RNF180: variants seen among roughly 807,000 people sequenced by gnomAD.
RNF180 encodes the protein E3 ubiquitin-protein ligase RNF180.
In RNF180, 38 loss-of-function variants were observed where a neutral mutation model predicts 59.2. The ratio of observed to expected loss-of-function variants is 0.64; its 90% CI spans 0.50 to 0.84. The LOEUF (loss-of-function observed/expected upper bound fraction) is 0.84. RNF180 is among the 40% of genes least tolerant of loss of function. The pLI is 0.00. For missense variants in RNF180, 705 were observed against 700.9 expected (o/e 1.01, Z -0.07); for synonymous variants, 262 against 240.3 (o/e 1.09, Z -0.84).
chr5:64,225,829 C>T (rs192293043), intron 5 of RNF180, among the ~76,000 whole-genome samples: 1,483 of 145,644 alleles, frequency 0.01, 12 homozygotes, highest in Non-Finnish European at 0.014. Flanking sequence ...CCGGCCGCCC[C>T]GTCTGGGATG....
chr5:64,280,055 T>G (rs1741930481), intron 5 of RNF180, among the ~76,000 whole-genome samples: 1 of 152,244 alleles, frequency 6.6e-6, no homozygotes, highest in Non-Finnish European at 1.5e-5. Context: ...GTGTGGTTTT[T>G]GATTTGTACT....
chr5:64,251,638 A>T (rs564953494), intron 5 of RNF180, among the ~76,000 whole-genome samples: 1 of 152,176 alleles, frequency 6.6e-6, no homozygotes, highest in South Asian at 2.1e-4. Context: ...GTTACCCGGG[A>T]TGGTCTGGCC....
intron 5 of RNF180, among the ~76,000 whole-genome samples, chr5:64,278,408 A>C (rs1645423819): frequency 6.6e-6 from 1 of 152,190 alleles, no homozygotes; most frequent in African/African-American, 2.4e-5. Flanking sequence ...ATTTTAAAAG[A>C]TCTGTCTTGC....
In RNF180 at chr5:64,355,345, G is replaced by C. The variant is rs113306966; in HGVS notation, c.1580-14270G>C. 2.6e-5 allele frequency among the ~76,000 whole-genome samples: 4 copies of C among 151,902 alleles called. 1 individual carries two copies. Among genetic ancestry groups the C allele is most frequent in the African/African-American group, 9.6e-5 (4 of 41,484 alleles). On this transcript the variant is annotated intron_variant, in intron 7 of 7. Coordinates refer to ENST00000389100, the MANE Select transcript of RNF180 (RefSeq NM_001113561.2). The stretch of plus-strand genomic sequence containing the variant: ...AGCATCTAAAAGAATAAAATACCTA[G>C]GAATAATTTTAAGCATGGATGTTAA...
At chr5:64,282,920 T>A (rs1201354911) in intron 5 of RNF180, among the ~76,000 whole-genome samples, 5 of 152,212 alleles carry the variant, frequency 3.3e-5, no homozygotes. Context: ...TTGTGGTTGA[T>A]CATGTGGTTA....
At chr5:64,254,880 A>G (rs1034600390) in intron 5 of RNF180, among the ~76,000 whole-genome samples, 1 of 152,154 alleles carries the variant, frequency 6.6e-6, no homozygotes, top group Non-Finnish European at 1.5e-5. Flanking sequence ...ACATTTGGTC[A>G]GTACATCTGA....
intron 1 of RNF180, among the ~76,000 whole-genome samples, chr5:64,196,956 G>A (rs772054675): frequency 5.3e-5 from 8 of 151,994 alleles, no homozygotes; most frequent in South Asian, 2.1e-4. Flanking sequence ...CGTTTTATTC[G>A]TATTTTCTAA....
chr5:64,308,682 T>A (rs1004114434), intron 5 of RNF180, among the ~76,000 whole-genome samples: 2 of 151,696 alleles, frequency 1.3e-5, no homozygotes, highest in Non-Finnish European at 3.0e-5. Flanking sequence ...ACTCCCACCT[T>A]GCTCAGAGTA....
At chr5:64,176,995 T>G (rs1229805769) in intron 1 of RNF180, among the ~76,000 whole-genome samples, 1 of 152,200 alleles carries the variant, frequency 6.6e-6, no homozygotes, top group Non-Finnish European at 1.5e-5. Context: ...GTTTGTTTAA[T>G]AGAGTTAGAA....
chr5:64,177,043 A>C (rs1750275741), intron 1 of RNF180, among the ~76,000 whole-genome samples: 1 of 152,108 alleles, frequency 6.6e-6, no homozygotes, highest in African/African-American at 2.4e-5. Context: ...TTTCTGGCCA[A>C]ATTTTGCTCA....
intron 5 of RNF180, among the ~76,000 whole-genome samples, chr5:64,264,383 C>T (rs1443556804): frequency 6.6e-6 from 1 of 151,998 alleles, no homozygotes; most frequent in Non-Finnish European, 1.5e-5. Context: ...CCTCCCCTTG[C>T]CTCCCACCCC....
At chr5:64,329,619 A>T (rs1224039788) in intron 6 of RNF180, among the ~76,000 whole-genome samples, 1 of 151,738 alleles carries the variant, frequency 6.6e-6, no homozygotes, top group Non-Finnish European at 1.5e-5. Flanking sequence ...CACCATGCCC[A>T]GCTAATTTTT....
intron 5 of RNF180, among the ~76,000 whole-genome samples, chr5:64,219,409 T>A (rs1223048156): frequency 6.6e-6 from 1 of 152,164 alleles, no homozygotes; most frequent in African/African-American, 2.4e-5. Context: ...AGTCTGAAAT[T>A]GTCTCTGTTT....
chr5:64,204,952 T>C (rs191875856), intron 2 of RNF180, among the ~76,000 whole-genome samples: 3 of 152,130 alleles, frequency 2.0e-5, no homozygotes, highest in African/African-American at 7.2e-5. Context: ...CAGAACAACA[T>C]AGAGAATAAG....
At chr5:64,253,081 G>T (rs778717381) in intron 5 of RNF180, among the ~76,000 whole-genome samples, 1 of 152,022 alleles carries the variant, frequency 6.6e-6, no homozygotes, top group Non-Finnish European at 1.5e-5. Flanking sequence ...ATAAGCCAAT[G>T]ATTTGCCTTG....
intron 7 of RNF180, among the ~76,000 whole-genome samples, chr5:64,364,747 G>A (rs1746383259): frequency 6.6e-6 from 1 of 151,386 alleles, no homozygotes; most frequent in Non-Finnish European, 1.5e-5. Flanking sequence ...AATTTCAGAG[G>A]TCATTATTGT....
chr5:64,343,413 A>G (rs1745436889), intron 7 of RNF180, among the ~76,000 whole-genome samples: 2 of 152,118 alleles, frequency 1.3e-5, no homozygotes, highest in South Asian at 4.1e-4. Context: ...GAGACCCTGA[A>G]GGAACAAGAA....
intron 7 of RNF180, among the ~76,000 whole-genome samples, chr5:64,334,907 G>T (rs1317828221): frequency 2.0e-5 from 3 of 152,156 alleles, no homozygotes; most frequent in Non-Finnish European, 2.9e-5. Flanking sequence ...TAGAATAAAT[G>T]CCAGGTAGAA....
intron 5 of RNF180, among the ~76,000 whole-genome samples, chr5:64,302,336 A>G (rs909987317): frequency 6.6e-6 from 1 of 151,440 alleles, no homozygotes; most frequent in African/African-American, 2.4e-5. Flanking sequence ...TTATTTATTT[A>G]TTTTTTTAGT....
Sources: allele counts gnomAD v4.1 joint callset (sites outside exome capture counted in the v4.1 genomes callset), GRCh38; gene constraint gnomAD v4.1.1; transcripts MANE v1.5; gene names NCBI Gene and HGNC (gene_info 2026-07-23, HGNC 2026-07-21).